Variants in OSTF1 observed in about 807,000 individuals in gnomAD.
OSTF1 encodes osteoclast-stimulating factor 1.
Under a neutral mutation model 37.2 loss-of-function variants are expected in OSTF1, and 27 were observed. That is an observed-to-expected ratio of 0.73 (90% confidence interval 0.54 to 1.00). The LOEUF (loss-of-function observed/expected upper bound fraction) is 1.00. Among genes scored for constraint, OSTF1 ranks in the 50% least tolerant of loss-of-function variants. The probability of loss-of-function intolerance (pLI) is 0.00; values close to 1 mark genes in which losing one functional copy is unlikely to be tolerated. For missense variants in OSTF1, 232 were observed against 253.8 expected (o/e 0.91, Z 0.58); for synonymous variants, 82 against 89.2 (o/e 0.92, Z 0.46).
At chr9:75,121,283 T>C (rs1216260157) in intron 2 of OSTF1, among the ~76,000 whole-genome samples, 1 of 152,202 alleles carries the variant, frequency 6.6e-6, no homozygotes, top group Non-Finnish European at 1.5e-5. Flanking sequence ...ATTTAACAGA[T>C]ATTTTTGATG....
chr9:75,104,453 T>A (rs1825250888), intron 1 of OSTF1, among the ~76,000 whole-genome samples: 1 of 151,956 alleles, frequency 6.6e-6, no homozygotes, highest in Non-Finnish European at 1.5e-5. Flanking sequence ...GACAGGAGGA[T>A]CTCTTGAGCC....
At chr9:75,121,765 A>T (rs2118535344) in intron 2 of OSTF1, among the ~76,000 whole-genome samples, 1 of 152,314 alleles carries the variant, frequency 6.6e-6, no homozygotes, top group South Asian at 2.1e-4. Flanking sequence ...CTGGAGGGAT[A>T]GATACACCAC....
chr9:75,094,116 A>G (rs1428369632), intron 1 of OSTF1, among the ~76,000 whole-genome samples: 1 of 152,228 alleles, frequency 6.6e-6, no homozygotes, highest in African/African-American at 2.4e-5. Context: ...GAGTCCATGC[A>G]TATGAGCAGA....
chr9:75,136,947 A>T (rs1204818616), intron 7 of OSTF1, among the ~76,000 whole-genome samples: 5 of 152,052 alleles, frequency 3.3e-5, no homozygotes, highest in African/African-American at 4.8e-5. Flanking sequence ...TACCTGAGAG[A>T]GGGGTCTTAC....
intron 9 of OSTF1, among the ~76,000 whole-genome samples, chr9:75,143,511 A>G (rs1035157811): frequency 2.0e-5 from 3 of 152,124 alleles, no homozygotes; most frequent in Admixed American, 1.3e-4. Flanking sequence ...CTCACCATAG[A>G]TTAGTTCTGC....
intron 3 of OSTF1, among the ~76,000 whole-genome samples, chr9:75,128,985 G>T (rs922022906): frequency 2.0e-5 from 3 of 152,010 alleles, no homozygotes; most frequent in Non-Finnish European, 4.4e-5. Context: ...AGGCTTCTTT[G>T]AGAAATGGCT....
intron 1 of OSTF1, 119 bp downstream of exon 1, chr9:75,088,845 T>G: frequency 1.0e-6 from 1 of 983,536 alleles, no homozygotes; most frequent in Non-Finnish European, 1.6e-6. Flanking sequence ...GCTTCCGAGA[T>G]CGGCCCCACC....
intron 1 of OSTF1, among the ~76,000 whole-genome samples, chr9:75,114,382 C>T (rs929485208): frequency 3.9e-5 from 6 of 152,200 alleles, no homozygotes; most frequent in Admixed American, 1.3e-4. Flanking sequence ...GGGAAATTAA[C>T]TAAAATAATA....
chr9:75,125,819 G>T (rs1825652950), intron 2 of OSTF1, among the ~76,000 whole-genome samples: 1 of 152,198 alleles, frequency 6.6e-6, no homozygotes, highest in South Asian at 2.1e-4. Flanking sequence ...AATTGCTAGT[G>T]CAGAATCATA....
chr9:75,113,379 G>A (rs1195002928), intron 1 of OSTF1, among the ~76,000 whole-genome samples: 2 of 151,618 alleles, frequency 1.3e-5, no homozygotes, highest in Non-Finnish European at 2.9e-5. Flanking sequence ...TTATAAACCT[G>A]CTTTTTTGTG....
chr9:75,141,312 C>CAAAAAAAAAAAAAAAAA (rs529293090), intron 9 of OSTF1, among the ~76,000 whole-genome samples: 49 of 71,678 alleles, frequency 6.8e-4, no homozygotes, highest in Non-Finnish European at 8.3e-4. Flanking sequence ...AAAAGAAAAC[C>CAAAAAAAAAAAAAAAAA]AAAAAAAAAA....
chr9:75,112,264 A>G (rs191971071), intron 1 of OSTF1, among the ~76,000 whole-genome samples: 2 of 152,280 alleles, frequency 1.3e-5, no homozygotes, highest in Admixed American at 6.5e-5. Flanking sequence ...AAAATGATCA[A>G]TTAATTCAGT....
intron 1 of OSTF1, among the ~76,000 whole-genome samples, chr9:75,107,912 G>A (rs1359977161): frequency 6.6e-6 from 1 of 152,086 alleles, no homozygotes; most frequent in Non-Finnish European, 1.5e-5. Context: ...TGCAAACAAG[G>A]CATGACATAT....
intron 8 of OSTF1, among the ~76,000 whole-genome samples, chr9:75,140,258 G>C (rs1347572064): frequency 6.6e-6 from 1 of 152,128 alleles, no homozygotes; most frequent in Admixed American, 6.5e-5. Context: ...GAATGAAATG[G>C]GACTTGTGCT....
At chr9:75,138,751 T>A (rs1164202479) in intron 8 of OSTF1, among the ~76,000 whole-genome samples, 2 of 152,196 alleles carry the variant, frequency 1.3e-5, no homozygotes, top group African/African-American at 2.4e-5. Context: ...TTGTGTTTCT[T>A]CTTTATCATC....
intron 2 of OSTF1, among the ~76,000 whole-genome samples, chr9:75,127,074 A>T (rs1825673624): frequency 6.6e-6 from 1 of 152,212 alleles, no homozygotes; most frequent in Non-Finnish European, 1.5e-5. Flanking sequence ...GAAAATGTTC[A>T]TTCTCCCTGA....
chr9:75,139,027 C>CTTCTTTCTTTCTCTTTCTTTCTTTCT (rs1825886447), intron 8 of OSTF1, among the ~76,000 whole-genome samples: 1 of 120,502 alleles, frequency 8.3e-6, no homozygotes, highest in Non-Finnish European at 1.8e-5. Context: ...TTTGGGGACA[C>CTTCTTTCTTTCTCTTTCTTTCTTTCT]TTCTTTCTTT....
At chr9:75,097,422 A>G (rs1456496325) in intron 1 of OSTF1, among the ~76,000 whole-genome samples, 1 of 152,182 alleles carries the variant, frequency 6.6e-6, no homozygotes, top group Non-Finnish European at 1.5e-5. Context: ...AACCAAAAAT[A>G]AAACTCTAAG....
chr9:75,137,680 C>T (rs574928204), intron 8 of OSTF1, 64 bp downstream of exon 8: 49 of 1,006,638 alleles, frequency 4.9e-5, no homozygotes, highest in Non-Finnish European at 6.8e-5. Flanking sequence ...TATCAACTTA[C>T]GCCATTTGAA....
Sources: allele counts gnomAD v4.1 joint callset (sites outside exome capture counted in the v4.1 genomes callset), GRCh38; gene constraint gnomAD v4.1.1; transcripts MANE v1.5; gene names NCBI Gene and HGNC (gene_info 2026-07-23, HGNC 2026-07-21).